The following HSP90AA1 variants were observed in gnomAD, a reference collection of about 807,000 sequenced individuals.
HSP90AA1 encodes the protein heat shock protein HSP 90-alpha.
Under a neutral mutation model 73.3 loss-of-function variants are expected in HSP90AA1, and 18 were observed. The observed-to-expected ratio is 0.25, with a 90% CI of 0.17 to 0.36. The LOEUF is 0.36. Among genes scored for constraint, HSP90AA1 ranks in the 10% least tolerant of loss-of-function variants. HSP90AA1 has a pLI of 1.00. For missense variants in HSP90AA1, 704 were observed against 874.2 expected, an observed-to-expected ratio of 0.81 and a Z score of 2.45; for synonymous variants, 477 against 296.9, an observed-to-expected ratio of 1.61 and a Z score of -6.24.
At chr14:102,085,456 A>AC (rs2049204785) in intron 3 of HSP90AA1, 25 bp from the exon 4 acceptor site, 1 of 1,272,182 alleles carries the variant, frequency 7.9e-7, no homozygotes, top group Non-Finnish European at 1.1e-6. Context: ...AGAAAAATTG[A>AC]CTTAATACAT....
chr14:102,128,587 C>G, intron 1 of HSP90AA1, among the ~76,000 whole-genome samples: 1 of 144,402 alleles, frequency 6.9e-6, no homozygotes, highest in East Asian at 2.1e-4. Flanking sequence ...AAGATCGCAC[C>G]ATTGCACTCT....
upstream of HSP90AA1, among the ~76,000 whole-genome samples, chr14:102,089,172 C>T (rs987398116): frequency 7.2e-5 from 11 of 152,144 alleles, no homozygotes; most frequent in East Asian, 1.9e-4. Context: ...CCGCCCGCCT[C>T]GGCCTCCCAA....
At chr14:102,132,249 C>A (rs1189563929) in intron 1 of HSP90AA1, among the ~76,000 whole-genome samples, 2 of 152,128 alleles carry the variant, frequency 1.3e-5, no homozygotes, top group Non-Finnish European at 2.9e-5. Flanking sequence ...TGCCTGTAGT[C>A]CCAGCTACTC....
intron 1 of HSP90AA1, among the ~76,000 whole-genome samples, chr14:102,131,905 A>G (rs763548475): frequency 2.6e-5 from 4 of 152,160 alleles, no homozygotes; most frequent in African/African-American, 7.2e-5. Context: ...ATGCATCCCA[A>G]AAGTTACAAC....
intron 2 of HSP90AA1, among the ~76,000 whole-genome samples, chr14:102,093,574 T>G (rs1349353115): frequency 3.3e-5 from 5 of 152,036 alleles, no homozygotes; most frequent in Non-Finnish European, 7.4e-5. Context: ...GGAGCCAGAT[T>G]GTGAATTCTG....
intron 1 of HSP90AA1, among the ~76,000 whole-genome samples, chr14:102,136,567 CAA>C (rs1165638280): frequency 1.8e-3 from 94 of 53,240 alleles, no homozygotes; most frequent in South Asian, 4.3e-3. Context: ...AGACTCGTCT[CAA>C]AAAAAAAAAA....
upstream of HSP90AA1, chr14:102,087,268 G>A (rs576128273): frequency 1.1e-4 from 64 of 574,118 alleles, 1 homozygote; most frequent in African/African-American, 1.2e-3. Flanking sequence ...CTCAATCGCC[G>A]CCGCGCGCCT....
chr14:102,088,249 A>T (rs2049296591), upstream of HSP90AA1, among the ~76,000 whole-genome samples: 1 of 152,054 alleles, frequency 6.6e-6, no homozygotes, highest in Non-Finnish European at 1.5e-5. Context: ...CCTTGGAGGC[A>T]TTGGGGTTCC....
intron 1 of HSP90AA1, among the ~76,000 whole-genome samples, chr14:102,114,654 C>T (rs78398202): frequency 0.085 from 12,882 of 152,146 alleles, 958 homozygotes; most frequent in African/African-American, 0.2. Flanking sequence ...ACGTAATCCC[C>T]ATTTTCAAGA....
Position 102,084,479 on chromosome 14 carries a change from T to C in HSP90AA1, c.1067A>G (p.Lys356Arg). Residue 356 changes from lysine to arginine, a missense_variant, in exon 6 of 11, where the codon AAG becomes AGG. Lys to Arg is a conservative substitution (Grantham distance 26). Coordinates refer to ENST00000216281, the MANE Select transcript of HSP90AA1 (RefSeq NM_005348.4). ...ATACAATTTGATGTTGTTCTTTTTC[T>C]TTCTGTTTTCAAACAGATCAAAAGG... ...RAPFDLFENRKKKNNIKLYVR... is the reference protein window; with the variant it reads ...RAPFDLFENRRKKNNIKLYVR... 5 of 1,613,872 alleles carry C rather than the reference T, an allele frequency of 3.1e-6. No homozygotes were observed. The highest frequency in any genetic ancestry group is 4.2e-6 in the Non-Finnish European group (5 of 1,179,690).
intron 1 of HSP90AA1, 75 bp from the exon 2 acceptor site, chr14:102,086,453 C>T (rs2049236991): frequency 2.6e-6 from 4 of 1,518,312 alleles, no homozygotes; most frequent in African/African-American, 2.7e-5. Flanking sequence ...TCGCGTTCTC[C>T]AAATATTTTT....
Position 102,139,200 on chromosome 14 carries a change from C to G in HSP90AA1, c.155+50G>C, listed in dbSNP as rs201295021. 1,988 of 1,608,318 alleles carry G rather than the reference C, an allele frequency of 1.2e-3. 2 individuals are homozygous for G. The highest frequency in any genetic ancestry group is 2.0e-3 in the Admixed American group (118 of 59,910). On this transcript the variant is annotated intron_variant, in intron 1 of 11. Coordinates refer to the HSP90AA1 transcript ENST00000334701. ...GTACCACATTCTTCTCTCCCCCTAC[C>G]CCGCCTGAAATAAAACATAGTGAAG...
At chr14:102,103,078 G>A (rs1356627469) in intron 1 of HSP90AA1, among the ~76,000 whole-genome samples, 1 of 151,454 alleles carries the variant, frequency 6.6e-6, no homozygotes, top group Non-Finnish European at 1.5e-5. Flanking sequence ...CTACTCAGGA[G>A]GCTGAGGCAC....
chr14:102,109,321 G>C (rs2049609997), intron 1 of HSP90AA1, among the ~76,000 whole-genome samples: 1 of 152,164 alleles, frequency 6.6e-6, no homozygotes, highest in African/African-American at 2.4e-5. Flanking sequence ...CGGTTTGGCT[G>C]TGTCCTCACC....
In HSP90AA1 at chr14:102,084,879, A is replaced by G. The variant is rs780123729; in HGVS notation, c.783T>C (p.Val261=). ...ESEDKPEIED[V]GSDEEEEKKD... The stretch of plus-strand genomic sequence containing the variant: ...TCTTTTCTTCTTCCTCATCAGAACC[A>G]ACATCTTCAATTTCAGGTTTGTCTT... Residue 261 remains valine, a synonymous_variant, in exon 5 of 11, where the codon GTT becomes GTC. Coordinates refer to ENST00000216281, the MANE Select transcript of HSP90AA1 (RefSeq NM_005348.4). The G allele has an allele frequency of 1.3e-6, 2 of 1,555,906 alleles. No individual in the cohort carries two copies. The highest frequency in any genetic ancestry group is 1.1e-5 in the South Asian group (1 of 89,846).
Position 102,084,514 on chromosome 14 carries a change from T to G in HSP90AA1, c.1032A>C (p.Pro344=). The G allele has an allele frequency of 6.2e-7, 1 of 1,614,226 alleles. No homozygotes were observed. The highest frequency in any genetic ancestry group is 1.1e-5 in the South Asian group (1 of 91,088). ...QLEFRALLFV[P]RRAPFDLFEN... ...CAAACAGATCAAAAGGAGCACGTCG[T>G]GGGACAAATAGAAGGGCTCTGAATT... Residue 344 remains proline (P), a synonymous_variant, in exon 6 of 11, where the codon CCA becomes CCC. Transcript: ENST00000216281.
At chr14:102,085,225 G>A (rs1420483446) in intron 4 of HSP90AA1, 73 bp downstream of exon 4, 11 of 1,502,334 alleles carry the variant, frequency 7.3e-6, no homozygotes, top group Admixed American at 3.4e-5. Flanking sequence ...CAGATCTAGG[G>A]ACTAAGGATG....
At chr14:102,127,233 T>C (rs1158774989) in intron 1 of HSP90AA1, among the ~76,000 whole-genome samples, 1 of 152,186 alleles carries the variant, frequency 6.6e-6, no homozygotes, top group African/African-American at 2.4e-5. Context: ...TGAACGTCCT[T>C]GCTCTAATCT....
rs568113105 is a variant in HSP90AA1, at chr14:102,123,354, C to T, written c.155+15896G>A. On this transcript the variant is annotated intron_variant, in intron 1 of 11. Coordinates refer to the HSP90AA1 transcript ENST00000334701. ...GTGAGCCAAGATCACAACCACTGCA[C>T]TCCAGTCTGGGCAACAGAGCGAGAC... 2.0e-5 allele frequency among the ~76,000 whole-genome samples: 3 copies of T among 152,018 alleles called. No homozygotes were observed. In the South Asian group the frequency reaches 6.2e-4, roughly 32 times the overall value.
Sources: gnomAD v4.1 joint callset for allele counts (sites outside exome capture counted in the v4.1 genomes callset) on GRCh38, gnomAD v4.1.1 for gene constraint, MANE v1.5 for transcripts, NCBI Gene and HGNC (gene_info 2026-07-23, HGNC 2026-07-21) for gene names.